Variants in SYTL2 observed in about 807,000 individuals in gnomAD.
SYTL2 encodes synaptotagmin-like protein 2.
SYTL2 carries 165 observed loss-of-function variants against 198.7 expected under a neutral mutation model. That is an observed-to-expected ratio of 0.83 (90% CI 0.73 to 0.94). The LOEUF (loss-of-function observed/expected upper bound fraction) is 0.94, where lower values mean the gene tolerates loss of function less well. SYTL2 is among the 40% of genes least tolerant of loss of function. The probability of loss-of-function intolerance (pLI) is 0.00; values close to 1 mark genes in which losing one functional copy is unlikely to be tolerated. For synonymous variants in SYTL2, 966 were observed against 917.7 expected, an observed-to-expected ratio of 1.05 and a Z score of -0.95; for missense variants, 2,835 against 2,582.8, an observed-to-expected ratio of 1.10 and a Z score of -2.12.
chr11:85,833,939 A>T, the SYTL2 span, among the ~76,000 whole-genome samples: 2 of 151,880 alleles, frequency 1.3e-5, no homozygotes, highest in African/African-American at 4.8e-5. Flanking sequence ...GGGTTTCGCC[A>T]AGTTGCCCAG....
chr11:85,812,541 A>C (rs1168705595), upstream of SYTL2, among the ~76,000 whole-genome samples: 1 of 152,214 alleles, frequency 6.6e-6, no homozygotes, highest in Non-Finnish European at 1.5e-5. Flanking sequence ...GGTAAGTGTT[A>C]TAATAGGTTG....
intron 1 of SYTL2, among the ~76,000 whole-genome samples, chr11:85,774,426 G>C (rs554720346): frequency 6.6e-6 from 1 of 152,084 alleles, no homozygotes; most frequent in Non-Finnish European, 1.5e-5. Context: ...CCAAAGTTCT[G>C]ACATAACAGG....
chr11:85,725,274 G>A lies in SYTL2; in HGVS notation c.4084C>T (p.Pro1362Ser). Residue 1362 changes from proline to serine, a missense_variant, in exon 8 of 20, where the codon CCA becomes TCA. Around this residue, in one of 3 missense-constraint regions of SYTL2, gnomAD observed 2,645 missense variants for 2,381.7 expected, o/e 1.11. Coordinates refer to ENST00000359152, the MANE Select transcript of SYTL2 (RefSeq NM_206927.4). The part of the protein sequence containing the change: ...ISETVEKVIL[P>S]PRPVLNDVSA... ...ACATCATTCAATACAGGTCTGGGTG[G>A]AAGAATGACTTTCTCTACAGTCTCC... 1 of 1,614,156 alleles carries A rather than the reference G, an allele frequency of 6.2e-7. No individual in the cohort carries two copies. The highest frequency in any genetic ancestry group is 1.3e-5 in the African/African-American group (1 of 75,038).
intron 1 of SYTL2, among the ~76,000 whole-genome samples, chr11:85,773,533 C>G (rs1245470663): frequency 1.3e-5 from 2 of 152,112 alleles, no homozygotes; most frequent in Non-Finnish European, 2.9e-5. Context: ...TCTCACAGGA[C>G]TCGGCATTAT....
At chr11:85,739,630 T>A (rs2090633509) in intron 4 of SYTL2, among the ~76,000 whole-genome samples, 1 of 152,186 alleles carries the variant, frequency 6.6e-6, no homozygotes, top group South Asian at 2.1e-4. Flanking sequence ...TATTGGGCAA[T>A]CAGTACTGCA....
chr11:85,810,295 AAG>A (rs1312190427), intron 1 of SYTL2, among the ~76,000 whole-genome samples: 1 of 152,152 alleles, frequency 6.6e-6, no homozygotes, highest in Non-Finnish European at 1.5e-5. Context: ...GGGATTTATA[AAG>A]AGAGGAGGAA....
At position 85,709,419 on chromosome 11, in the gene SYTL2, A is replaced by G; in HGVS notation, c.5827T>C (p.Tyr1943His). The G allele has an allele frequency of 1.2e-6, 2 of 1,614,156 alleles. No individual in the cohort carries two copies. Among genetic ancestry groups the G allele is most frequent in the Non-Finnish European group, 1.7e-6 (2 of 1,180,006 alleles). ...VKGNIQFAIE[Y>H]VESLKELHVF... ...TGCAACTCCTTCAGTGACTCCACAT[A>G]TTCAATTGCAAACTGAATATTTCCT... Residue 1943 changes from tyrosine to histidine, a missense_variant, in exon 14 of 20, where the codon TAT becomes CAT. By Grantham distance (83) the Tyr-to-His change is moderately conservative (BLOSUM62 2). Coordinates refer to ENST00000359152, the MANE Select transcript of SYTL2 (RefSeq NM_206927.4).
chr11:85,824,845 G>A, the SYTL2 span, among the ~76,000 whole-genome samples: 44 of 152,118 alleles, frequency 2.9e-4, no homozygotes, highest in Non-Finnish European at 6.3e-4. Context: ...TTTATCCTGC[G>A]AAGACGACTC....
At chr11:85,779,901 G>C (rs950785152) in intron 1 of SYTL2, among the ~76,000 whole-genome samples, 2 of 152,186 alleles carry the variant, frequency 1.3e-5, no homozygotes, top group Non-Finnish European at 2.9e-5. Context: ...CCAGGGATTA[G>C]GCAAGGTCAA....
At chr11:85,718,077 G>T (rs1488347765) in intron 10 of SYTL2, among the ~76,000 whole-genome samples, 1 of 152,204 alleles carries the variant, frequency 6.6e-6, no homozygotes, top group Non-Finnish European at 1.5e-5. Context: ...TATGATTATA[G>T]TGAAGGCAAA....
intron 13 of SYTL2, 124 bp downstream of exon 13, chr11:85,710,989 G>A (rs2153424099): frequency 9.5e-7 from 1 of 1,047,710 alleles, no homozygotes; most frequent in African/African-American, 1.6e-5. Flanking sequence ...GCTAATTATG[G>A]ATTAGAGAAA....
chr11:85,791,002 A>G (rs991927873), intron 1 of SYTL2, among the ~76,000 whole-genome samples: 1 of 151,236 alleles, frequency 6.6e-6, no homozygotes, highest in African/African-American at 2.4e-5. Context: ...CGTTTCTACT[A>G]AAAATACAAA....
intron 13 of SYTL2, 25 bp downstream of exon 13, chr11:85,711,088 T>A (rs2086192173): frequency 6.2e-7 from 1 of 1,612,054 alleles, no homozygotes. Flanking sequence ...GGAGAGATAT[T>A]AATATGGAGC....
the SYTL2 span, among the ~76,000 whole-genome samples, chr11:85,848,670 T>C: frequency 6.6e-6 from 1 of 152,240 alleles, no homozygotes; most frequent in Admixed American, 6.5e-5. Flanking sequence ...TCCTTTTGTG[T>C]TCATATTTTA....
chr11:85,726,717 T>G lies in SYTL2; in HGVS notation c.2641A>C (p.Lys881Gln). ...CTGGATGGACCTGCTATTTGTGGCT[T>G]GGTCTCTTTAGATTTATTTGAGGAA... ...SYSSNKSKET[K>Q]PQIAGPSRYY... The change falls in exon 8 of 20, where the codon AAG becomes CAG. Residue 881 changes from lysine (K) to glutamine (Q), a missense_variant. Lys to Gln is a moderately conservative substitution (Grantham distance 53). Around this residue, in one of 3 missense-constraint regions of SYTL2, gnomAD observed 2,645 missense variants for 2,381.7 expected, o/e 1.11. Coordinates refer to ENST00000359152, the MANE Select transcript of SYTL2 (RefSeq NM_206927.4). 6.5e-7 allele frequency: 1 copy of G among 1,536,180 alleles called. No homozygotes were observed. The highest frequency in any genetic ancestry group is 2.4e-5 in the East Asian group (1 of 40,924).
At chr11:85,842,858 G>A in the SYTL2 span, among the ~76,000 whole-genome samples, 1 of 152,354 alleles carries the variant, frequency 6.6e-6, no homozygotes, top group Non-Finnish European at 1.5e-5. Context: ...AGGAAAGATT[G>A]GGACCTGTAC....
chr11:85,786,967 G>T (rs998748582), intron 1 of SYTL2, among the ~76,000 whole-genome samples: 1 of 152,152 alleles, frequency 6.6e-6, no homozygotes, highest in African/African-American at 2.4e-5. Flanking sequence ...AAATGGATAA[G>T]CAAATGAATG....
rs2089074249 is a variant in SYTL2, at chr11:85,725,766, T to C, written c.3592A>G (p.Thr1198Ala). 1 of 1,614,054 alleles carries C rather than the reference T, an allele frequency of 6.2e-7. No individual in the cohort carries two copies. The highest frequency in any genetic ancestry group is 1.3e-5 in the African/African-American group (1 of 74,924). Reference sequence around the variant, plus strand: ...CGTTTAACCTTTGGATGAACTACTGTTTTGTCAACATGCTCATTAATGATC... The same window carrying C: ...CGTTTAACCTTTGGATGAACTACTGCTTTGTCAACATGCTCATTAATGATC... Reference protein sequence around the residue: ...EKIINEHVDKTVVHPKVKRNS... With the variant: ...EKIINEHVDKAVVHPKVKRNS... Residue 1198 changes from threonine (T) to alanine (A), a missense_variant, in exon 8 of 20, where the codon ACA (threonine) becomes GCA (alanine). By Grantham distance (58) the Thr-to-Ala change is moderately conservative (BLOSUM62 0). This residue lies in a region of SYTL2 where 2,645 missense variants were observed against 2,381.7 expected (regional missense o/e 1.11). Coordinates refer to ENST00000359152, the MANE Select transcript of SYTL2 (RefSeq NM_206927.4).
intron 11 of SYTL2, 85 bp from the exon 12 acceptor site, chr11:85,714,592 A>G: frequency 6.5e-7 from 1 of 1,528,632 alleles, no homozygotes; most frequent in Non-Finnish European, 8.9e-7. Context: ...ACTTTTATTT[A>G]ATCTATGAAC....
Sources: gnomAD v4.1 joint callset for allele counts (sites outside exome capture counted in the v4.1 genomes callset) on GRCh38, gnomAD v4.1.1 for gene constraint, gnomAD v4.1.1 regional missense constraint, MANE v1.5 for transcripts, NCBI Gene and HGNC (gene_info 2026-07-23, HGNC 2026-07-21) for gene names.